PTPN12: variants seen among roughly 807,000 people sequenced by gnomAD.
PTPN12 encodes protein tyrosine phosphatase non-receptor type 12, also known as tyrosine-protein phosphatase non-receptor type 12.
A neutral mutation model predicts 97.6 loss-of-function variants in PTPN12; 29 were observed. The ratio of observed to expected loss-of-function variants is 0.30; its 90% CI spans 0.22 to 0.41. PTPN12 has a LOEUF of 0.41. Among genes scored for constraint, PTPN12 ranks in the 10% least tolerant of loss-of-function variants. The probability of loss-of-function intolerance (pLI) is 1.00; values close to 1 mark genes in which losing one functional copy is unlikely to be tolerated. For missense variants in PTPN12, 819 were observed against 926.0 expected (o/e 0.88, Z 1.50); for synonymous variants, 327 against 300.4 (o/e 1.09, Z -0.91).
chr7:77,612,551 G>A (rs1320708665), intron 11 of PTPN12, among the ~76,000 whole-genome samples: 3 of 152,140 alleles, frequency 2.0e-5, no homozygotes, highest in Non-Finnish European at 4.4e-5. Flanking sequence ...CGATTCTCCT[G>A]CCTCAGCCTC....
intron 5 of PTPN12, among the ~76,000 whole-genome samples, 172 bp downstream of exon 5, chr7:77,585,753 T>C (rs1457062181): frequency 2.0e-5 from 3 of 152,198 alleles, no homozygotes; most frequent in Admixed American, 2.0e-4. Flanking sequence ...GCATGTTGTT[T>C]TCTTTTATAT....
chr7:77,568,455 A>G (rs78355735), intron 1 of PTPN12, among the ~76,000 whole-genome samples: 4,110 of 152,244 alleles, frequency 0.027, 186 homozygotes, highest in African/African-American at 0.094. Context: ...CGCAACATAC[A>G]TGGGGAGACC....
chr7:77,538,388 C>G (rs1435607826), intron 1 of PTPN12, among the ~76,000 whole-genome samples: 1 of 151,370 alleles, frequency 6.6e-6, no homozygotes, highest in Non-Finnish European at 1.5e-5. Flanking sequence ...CTTCGGACTC[C>G]CCAGGGGATA....
chr7:77,582,381 C>G lies in PTPN12; in HGVS notation c.285+878C>G, dbSNP rs79469988. ...AAAGGCTTTTTTTCCATCAGCTAATCTGTGATTTTTAATCTTTCAAGTGAT... is the reference window on the plus strand; with the variant it reads ...AAAGGCTTTTTTTCCATCAGCTAATGTGTGATTTTTAATCTTTCAAGTGAT... On this transcript the variant is annotated intron_variant, in intron 3 of 17. Coordinates refer to ENST00000248594, the MANE Select transcript of PTPN12 (RefSeq NM_002835.4). Among the ~76,000 whole-genome samples, 1,308 of 152,136 alleles carry G rather than the reference C, an allele frequency of 8.6e-3. 23 individuals carry two copies. The highest frequency in any genetic ancestry group is 0.029 in the African/African-American group (1,189 of 41,534).
intron 12 of PTPN12, among the ~76,000 whole-genome samples, chr7:77,620,809 G>A (rs914226738): frequency 7.9e-5 from 12 of 152,222 alleles, no homozygotes; most frequent in East Asian, 3.9e-4. Flanking sequence ...TTAGCCAGGC[G>A]TGGTGGCACG....
chr7:77,569,750 A>T (rs138067459), intron 1 of PTPN12, among the ~76,000 whole-genome samples: 3 of 152,304 alleles, frequency 2.0e-5, no homozygotes, highest in Non-Finnish European at 4.4e-5. Context: ...CAGCCTGGGC[A>T]ACAGAGTGAG....
intron 1 of PTPN12, among the ~76,000 whole-genome samples, chr7:77,549,510 A>AT (rs1241946825): frequency 1.3e-5 from 2 of 151,760 alleles, no homozygotes; most frequent in Non-Finnish European, 2.9e-5. Flanking sequence ...TTAAATTATA[A>AT]TTTTTCAACA....
chr7:77,583,710 T>C (rs905411368), intron 4 of PTPN12, 60 bp downstream of exon 4: 3 of 1,051,398 alleles, frequency 2.9e-6, no homozygotes. Flanking sequence ...ACATAGGCTA[T>C]TTTACTGAAT....
intron 2 of PTPN12, among the ~76,000 whole-genome samples, chr7:77,574,127 G>A (rs2151322704): frequency 6.6e-6 from 1 of 152,356 alleles, no homozygotes; most frequent in African/African-American, 2.4e-5. Context: ...TAGTCAAGGT[G>A]ATGGACGATA....
intron 1 of PTPN12, among the ~76,000 whole-genome samples, chr7:77,555,787 C>T (rs550076901): frequency 1.1e-4 from 17 of 151,900 alleles, no homozygotes; most frequent in African/African-American, 3.4e-4. Context: ...TGGTGGTGGG[C>T]GCCTGTAGTC....
chr7:77,627,688 TGTCAAATA>T lies in PTPN12; in HGVS notation c.1996+14_1996+21del. 1 of 1,532,790 alleles carries T rather than the reference TGTCAAATA, an allele frequency of 6.5e-7. No homozygotes were observed. Among genetic ancestry groups the T allele is most frequent in the Non-Finnish European group, 8.7e-7 (1 of 1,145,586 alleles). 94.9% of individuals were successfully genotyped at this position (1,532,790 alleles called of 1,614,324 possible). A position where few individuals can be genotyped will look rare whatever the true frequency, so the allele number is the denominator to read the frequency against. Reference sequence around the variant, plus strand: ...GGTGCTGAAAAAGGTAATAATATAGTGTCAAATACTTAAATGTCTTTCCTATGTGCTAG... The same window carrying T: ...GGTGCTGAAAAAGGTAATAATATAGTCTTAAATGTCTTTCCTATGTGCTAG... On this transcript the variant is annotated intron_variant, in intron 13 of 17. Transcript: ENST00000248594.
chr7:77,602,089 T>G (rs535654599), intron 8 of PTPN12, among the ~76,000 whole-genome samples: 1 of 152,282 alleles, frequency 6.6e-6, no homozygotes, highest in South Asian at 2.1e-4. Context: ...ATTACTCGTT[T>G]GGATGTGTTA....
intron 8 of PTPN12, among the ~76,000 whole-genome samples, chr7:77,604,544 T>C (rs2151366956): frequency 6.6e-6 from 1 of 152,236 alleles, no homozygotes; most frequent in African/African-American, 2.4e-5. Flanking sequence ...AAGTGCTTTA[T>C]ATATTGAGGA....
chr7:77,602,992 G>C (rs1050378473), intron 8 of PTPN12, among the ~76,000 whole-genome samples: 2 of 152,026 alleles, frequency 1.3e-5, no homozygotes, highest in African/African-American at 4.8e-5. Flanking sequence ...TATTCACTTG[G>C]TTTGACCGTA....
At chr7:77,560,172 T>TA (rs1186257865) in intron 1 of PTPN12, among the ~76,000 whole-genome samples, 4 of 152,192 alleles carry the variant, frequency 2.6e-5, no homozygotes, top group Non-Finnish European at 5.9e-5. Context: ...TCAGCAAACT[T>TA]AAAAATATTT....
At chr7:77,591,924 C>T (rs1787878951) in intron 5 of PTPN12, among the ~76,000 whole-genome samples, 1 of 152,172 alleles carries the variant, frequency 6.6e-6, no homozygotes, top group Admixed American at 6.5e-5. Context: ...CTTTGGTCTA[C>T]TCTGTAGACC....
intron 1 of PTPN12, among the ~76,000 whole-genome samples, chr7:77,557,942 G>T (rs961370325): frequency 1.3e-5 from 2 of 152,084 alleles, no homozygotes; most frequent in Non-Finnish European, 2.9e-5. Context: ...CGGGCGTGGT[G>T]GCTCACACCT....
At chr7:77,554,660 G>T (rs544974028) in intron 1 of PTPN12, among the ~76,000 whole-genome samples, 57 of 152,074 alleles carry the variant, frequency 3.7e-4, no homozygotes, top group Non-Finnish European at 6.5e-4. Context: ...CACAAGGTAG[G>T]TCTGTGGCAA....
intron 1 of PTPN12, among the ~76,000 whole-genome samples, chr7:77,543,576 C>T (rs944483526): frequency 6.6e-6 from 1 of 151,960 alleles, no homozygotes; most frequent in African/African-American, 2.4e-5. Context: ...GTCTATGATT[C>T]ACTAGTTTTT....
Sources: allele counts gnomAD v4.1 joint callset (sites outside exome capture counted in the v4.1 genomes callset), GRCh38; gene constraint gnomAD v4.1.1; transcripts MANE v1.5; gene names NCBI Gene and HGNC (gene_info 2026-07-23, HGNC 2026-07-21).